PRKDC: variants seen among roughly 807,000 people sequenced by gnomAD.
PRKDC encodes the protein protein kinase, DNA-activated, catalytic subunit.
In PRKDC, 82 loss-of-function variants were observed where a neutral mutation model predicts 486.9. The observed-to-expected ratio is 0.17, with a 90% CI of 0.14 to 0.20. PRKDC has a LOEUF of 0.20. Ranked by LOEUF, PRKDC falls within the 10% of genes least tolerant of loss-of-function variation. The probability of loss-of-function intolerance (pLI) is 1.00; values close to 1 mark genes in which losing one functional copy is unlikely to be tolerated. For missense variants in PRKDC, 4,504 were observed against 5,038.2 expected (o/e 0.89, Z 3.21); for synonymous variants, 1,895 against 1,837.0 (o/e 1.03, Z -0.81).
intron 11 of PRKDC, 99 bp from the exon 12 acceptor site, chr8:47,936,616 A>G: frequency 7.1e-7 from 1 of 1,401,064 alleles, no homozygotes; most frequent in Non-Finnish European, 9.7e-7. Context: ...ACACAAGTTT[A>G]ACAAGGCTTC....
intron 18 of PRKDC, 130 bp from the exon 19 acceptor site, chr8:47,929,308 G>A (rs2090210275): frequency 4.4e-6 from 3 of 679,866 alleles, no homozygotes; most frequent in African/African-American, 1.8e-5. Flanking sequence ...GAAGACAGGA[G>A]GCAGAATCAG....
Position 47,935,013 on chromosome 8 carries a change from G to A in PRKDC, c.1493C>T (p.Pro498Leu), listed in dbSNP as rs1282079162. Residue 498 changes from proline (P) to leucine (L), a missense_variant, in exon 14 of 86, where the codon CCA (proline) becomes CTA (leucine). Transcript: ENST00000314191. The stretch of plus-strand genomic sequence containing the variant: ...AACATTAAATTCAGAATTTACCTTT[G>A]GAAGGACCACTGGTTTAGAACATAT... The part of the protein sequence containing the change: ...IRICSKPVVL[P>L]KGPESESEDH... 4 of 1,516,716 alleles carry A rather than the reference G, an allele frequency of 2.6e-6. No homozygotes were observed. The highest frequency in any genetic ancestry group is 1.8e-6 in the Non-Finnish European group (2 of 1,120,920). 94.0% of individuals were successfully genotyped at this position (1,516,716 alleles called of 1,614,324 possible). A position where few individuals can be genotyped will look rare whatever the true frequency, so the allele number is the denominator to read the frequency against.
At chr8:47,792,736 CCTA>C (rs1156386834) in intron 74 of PRKDC, among the ~76,000 whole-genome samples, 3 of 152,078 alleles carry the variant, frequency 2.0e-5, no homozygotes, top group Non-Finnish European at 4.4e-5. Flanking sequence ...AACATAGACA[CCTA>C]CTATGTACCC....
rs553553310 is a variant in PRKDC, at chr8:47,898,585, G to A, written c.3365-16C>T. On this transcript the variant is annotated splice_polypyrimidine_tract_variant and intron_variant, in intron 28 of 85. Coordinates refer to ENST00000314191, the MANE Select transcript of PRKDC (RefSeq NM_006904.7). ...TGAATTGTACCTGTTCTCAAGTACAGAGACATATTTCCAAAGAAGGCATAT... is the reference window on the plus strand; with the variant it reads ...TGAATTGTACCTGTTCTCAAGTACAAAGACATATTTCCAAAGAAGGCATAT... The A allele has an allele frequency of 5.7e-5, 76 of 1,328,410 alleles. 1 individual carries two copies. The highest frequency in any genetic ancestry group is 7.3e-5 in the Non-Finnish European group (74 of 1,013,282). The allele number at this position is 1,328,410 out of a possible 1,614,324, so 82.3% of individuals were successfully genotyped here.
Position 47,828,324 on chromosome 8 carries a change from C to T in PRKDC, c.8421G>A (p.Gln2807=), listed in dbSNP as rs1259312227. Reference sequence around the variant, plus strand: ...TTCCAGAAAACAAGCTGCTAAAGAGCTGTTTTGCAATTATTGGGTCCCTCT... The same window carrying T: ...TTCCAGAAAACAAGCTGCTAAAGAGTTGTTTTGCAATTATTGGGTCCCTCT... ...VAQRDPIIAK[Q]LFSSLFSGIL... The change falls in exon 62 of 86, where the codon CAG becomes CAA. Residue 2807 remains glutamine (Q), a synonymous_variant. Transcript: ENST00000314191. The T allele has an allele frequency of 1.2e-5, 19 of 1,586,974 alleles. No homozygotes were observed. Among genetic ancestry groups the T allele is most frequent in the Non-Finnish European group, 1.6e-5 (19 of 1,167,162 alleles).
At position 47,898,577 on chromosome 8, in the gene PRKDC, C is replaced by T; in HGVS notation, c.3365-8G>A. Reference sequence around the variant, plus strand: ...AACACTGTTGAATTGTACCTGTTCTCAAGTACAGAGACATATTTCCAAAGA... The same window carrying T: ...AACACTGTTGAATTGTACCTGTTCTTAAGTACAGAGACATATTTCCAAAGA... On this transcript the variant is annotated splice_polypyrimidine_tract_variant and splice_region_variant and intron_variant, in intron 28 of 85. Coordinates refer to ENST00000314191, the MANE Select transcript of PRKDC (RefSeq NM_006904.7). The T allele has an allele frequency of 7.2e-7, 1 of 1,385,328 alleles. No homozygotes were observed. The highest frequency in any genetic ancestry group is 9.6e-7 in the Non-Finnish European group (1 of 1,045,156). The allele number at this position is 1,385,328 out of a possible 1,614,324, so 85.8% of individuals were successfully genotyped here. A position where few individuals can be genotyped will look rare whatever the true frequency, so the allele number is the denominator to read the frequency against.
Position 47,782,117 on chromosome 8 carries a change from A to T in PRKDC, c.11489+45T>A. Reference sequence around the variant, plus strand: ...GCCCCGACCTGCCACTGGAGAAGTGAGGGGAGGCGACTGCTGGGGGAGCAG... The same window carrying T: ...GCCCCGACCTGCCACTGGAGAAGTGTGGGGAGGCGACTGCTGGGGGAGCAG... On this transcript the variant is annotated intron_variant, in intron 80 of 85. Coordinates refer to ENST00000314191, the MANE Select transcript of PRKDC (RefSeq NM_006904.7). The surrounding 1 kb of genome is among the most constrained non-coding windows in gnomAD (Gnocchi z 4.9). 1 of 1,546,078 alleles carries T rather than the reference A, an allele frequency of 6.5e-7. No homozygotes were observed. The highest frequency in any genetic ancestry group is 8.9e-7 in the Non-Finnish European group (1 of 1,119,340).
intron 69 of PRKDC, among the ~76,000 whole-genome samples, chr8:47,805,623 C>T (rs979274615): frequency 6.6e-6 from 1 of 152,208 alleles, no homozygotes; most frequent in African/African-American, 2.4e-5. Context: ...TAAGGCACGA[C>T]AGTTTTAATT....
At position 47,821,639 on chromosome 8, in the gene PRKDC, C is replaced by G; in HGVS notation, c.9076G>C (p.Asp3026His). Residue 3026 changes from aspartate (D) to histidine (H), a missense_variant, in exon 65 of 86, where the codon GAC becomes CAC. Around this residue, in one of 6 missense-constraint regions of PRKDC, gnomAD observed 1,592 missense variants for 1,724.6 expected, o/e 0.92. Coordinates refer to ENST00000314191, the MANE Select transcript of PRKDC (RefSeq NM_006904.7). The part of the protein sequence containing the change: ...TASIDSENPP[D>H]LNKIWSEPFY... Reference sequence around the variant, plus strand: ...GGTTCACTCCAGATTTTATTTAGGTCTGGGGGGTTCTCACTGTCTATACTG... The same window carrying G: ...GGTTCACTCCAGATTTTATTTAGGTGTGGGGGGTTCTCACTGTCTATACTG... The G allele has an allele frequency of 6.2e-7, 1 of 1,602,026 alleles. No homozygotes were observed. The highest frequency in any genetic ancestry group is 8.5e-7 in the Non-Finnish European group (1 of 1,173,214).
intron 63 of PRKDC, among the ~76,000 whole-genome samples, chr8:47,824,831 A>G (rs1164610384): frequency 6.6e-6 from 1 of 152,148 alleles, no homozygotes; most frequent in East Asian, 1.9e-4. Flanking sequence ...TCCATCTTGC[A>G]GTCTCAACCC....
chr8:47,853,184 G>C (rs1367946825), intron 51 of PRKDC, among the ~76,000 whole-genome samples: 1 of 152,224 alleles, frequency 6.6e-6, no homozygotes, highest in Admixed American at 6.5e-5. Context: ...GTCTGTGTGA[G>C]GAGGCTTCCC....
chr8:47,864,360 G>T (rs1264439240), intron 41 of PRKDC, among the ~76,000 whole-genome samples, 196 bp downstream of exon 41: 1 of 152,132 alleles, frequency 6.6e-6, no homozygotes, highest in African/African-American at 2.4e-5. Flanking sequence ...CTCCAGAAGT[G>T]TAAGAGAATA....
At chr8:47,942,793 A>C (rs2090467566) in intron 10 of PRKDC, among the ~76,000 whole-genome samples, 1 of 152,206 alleles carries the variant, frequency 6.6e-6, no homozygotes, top group Admixed American at 6.5e-5. Flanking sequence ...CCTCCTATCC[A>C]GGTGGAAAAT....
At position 47,828,283 on chromosome 8, in the gene PRKDC, T is replaced by C; in HGVS notation, c.8462A>G (p.Asp2821Gly). The change falls in exon 62 of 86, where the codon GAT becomes GGT. Residue 2821 changes from aspartate to glycine, a missense_variant. By Grantham distance (94) the Asp-to-Gly change is moderately conservative. This residue lies in a region of PRKDC where 1,592 missense variants were observed against 1,724.6 expected (regional missense o/e 0.92). Transcript: ENST00000314191. Reference protein sequence around the residue: ...SLFSGILKEMDKFKTLSEKNN... With the variant: ...SLFSGILKEMGKFKTLSEKNN... ...TTTTTCAGACAGTGTCTTAAATTTA[T>C]CCATCTCTTTCAAAATTCCAGAAAA... 1.2e-6 allele frequency: 2 copies of C among 1,607,890 alleles called. No individual in the cohort carries two copies. The highest frequency in any genetic ancestry group is 1.7e-6 in the Non-Finnish European group (2 of 1,177,226).
chr8:47,840,206 A>G lies in PRKDC; in HGVS notation c.7281-17T>C, dbSNP rs1464407146. The G allele has an allele frequency of 5.2e-6, 8 of 1,551,208 alleles. No individual in the cohort carries two copies. The Admixed American group carries it at 1.6e-4, about 31-fold the overall frequency. ...TCATCATCTCTATGGGAGAGATTTT[A>G]AAAACACACAAATTTAGCTATTTTT... On this transcript the variant is annotated splice_polypyrimidine_tract_variant and intron_variant, in intron 54 of 85. Transcript: ENST00000314191.
chr8:47,858,997 G>T lies in PRKDC; in HGVS notation c.6208-11C>A. ...GGGGTCCCGCTGCTCCTGCGAAAGG[G>T]AGGGCCCAGGAGAGCAGAGGGTACA... On this transcript the variant is annotated splice_polypyrimidine_tract_variant and intron_variant, in intron 46 of 85. Coordinates refer to ENST00000314191, the MANE Select transcript of PRKDC (RefSeq NM_006904.7). 6.2e-7 allele frequency: 1 copy of T among 1,611,502 alleles called. No individual in the cohort carries two copies.
intron 12 of PRKDC, 34 bp from the exon 13 acceptor site, chr8:47,935,934 G>A: frequency 6.3e-7 from 1 of 1,577,644 alleles, no homozygotes; most frequent in South Asian, 1.1e-5. Context: ...GTGAGTTAGA[G>A]GAGGTAATCA....
intron 84 of PRKDC, among the ~76,000 whole-genome samples, chr8:47,777,296 C>A (rs1013712172): frequency 2.0e-5 from 3 of 151,960 alleles, no homozygotes; most frequent in Admixed American, 2.0e-4. Flanking sequence ...GCAACCTCTG[C>A]CTCCTGGTTT....
At chr8:47,793,597 G>C (rs1399803501) in intron 74 of PRKDC, among the ~76,000 whole-genome samples, 1 of 144,578 alleles carries the variant, frequency 6.9e-6, no homozygotes, top group African/African-American at 2.6e-5. Context: ...AGATTGCACT[G>C]CACTAGGTGA....
Sources: allele counts gnomAD v4.1 joint callset (sites outside exome capture counted in the v4.1 genomes callset), GRCh38; gene constraint gnomAD v4.1.1; regional missense constraint gnomAD v4.1.1; non-coding constraint Gnocchi (gnomAD v3.1); transcripts MANE v1.5; gene names NCBI Gene and HGNC (gene_info 2026-07-23, HGNC 2026-07-21).